CCK: variants seen among roughly 807,000 people sequenced by gnomAD.
CCK encodes cholecystokinin, also known as cholecystokinin triacontatriapeptide.
In CCK, 11 loss-of-function variants were observed where a neutral mutation model predicts 10.1. The ratio of observed to expected loss-of-function variants is 1.09; its 90% confidence interval spans 0.69 to 1.81. The LOEUF is 1.81. Among genes scored for constraint, CCK ranks in the 40% most tolerant of loss-of-function variants. The pLI is 0.00. For missense variants in CCK, 137 were observed against 159.9 expected, an observed-to-expected ratio of 0.86 and a Z score of 0.77; for synonymous variants, 83 against 71.9, an observed-to-expected ratio of 1.15 and a Z score of -0.78.
chr3:42,262,197 C>A (rs1711224916), intron 4 of CCK, among the ~76,000 whole-genome samples: 1 of 149,384 alleles, frequency 6.7e-6, no homozygotes, highest in Non-Finnish European at 1.5e-5. Context: ...CACATCCCTT[C>A]CAGCAGTGTT....
At position 42,265,397 on chromosome 3, in the gene CCK, C is replaced by T. The variant is rs1383887096; in HGVS notation, c.-342G>A. 1 of 152,436 alleles carries T rather than the reference C, an allele frequency of 6.6e-6. No individual in the cohort carries two copies. The highest frequency in any genetic ancestry group is 1.5e-5 in the Non-Finnish European group (1 of 68,234). 9.4% of individuals were successfully genotyped at this position (152,436 alleles called of 1,614,324 possible). The stretch of plus-strand genomic sequence containing the variant: ...TTCTGGGTCAGTGAAAGGGCTCTGG[C>T]CACAGCTGGCTCTTGGTGTCCTGGG... On this transcript the variant is annotated 5_prime_UTR_variant, in exon 2 of 5. Transcript: ENST00000396169.
intron 4 of CCK, 99 bp downstream of exon 4, chr3:42,263,318 G>T: frequency 6.4e-7 from 1 of 1,566,484 alleles, no homozygotes; most frequent in Non-Finnish European, 8.8e-7. Flanking sequence ...TTCCTACCGA[G>T]AGAGGTCATC....
At chr3:42,262,693 A>G (rs919513209) in intron 4 of CCK, among the ~76,000 whole-genome samples, 2 of 152,158 alleles carry the variant, frequency 1.3e-5, no homozygotes, top group Non-Finnish European at 2.9e-5. Flanking sequence ...GAATCACACA[A>G]AGAATTGGAA....
Position 42,263,490 on chromosome 3 carries a change from C to T in CCK, c.141G>A (p.Ser47=). ...EEAPRRQLRV[S]QRTDGESRAH... is the part of the protein sequence containing the mutation. ...CTCGGGACTCGCCATCCGTTCTCTG[C>T]GATACCCTCAGCTGCCTACGGGGCG... is the stretch of plus-strand genomic sequence containing the variant. The change falls in exon 4 of 5, where the codon TCG becomes TCA. Residue 47 remains serine (S), a synonymous_variant. Coordinates refer to ENST00000396169, the MANE Select transcript of CCK (RefSeq NM_000729.6). 6.2e-7 allele frequency: 1 copy of T among 1,614,146 alleles called. No individual in the cohort carries two copies. The highest frequency in any genetic ancestry group is 1.7e-5 in the Admixed American group (1 of 60,034).
In CCK at chr3:42,263,654, G is replaced by A. The variant is rs11571847; in HGVS notation, c.-2-22C>T. ...ATGGCTGTAGCGAGCAAAGGAGGAGGGCGCGTTAACTGAAAGGCTGGGCAA... is the reference window on the plus strand; with the variant it reads ...ATGGCTGTAGCGAGCAAAGGAGGAGAGCGCGTTAACTGAAAGGCTGGGCAA... On this transcript the variant is annotated intron_variant, in intron 3 of 4. Coordinates refer to ENST00000396169, the MANE Select transcript of CCK (RefSeq NM_000729.6). The A allele has an allele frequency of 9.9e-4, 1,489 of 1,507,750 alleles. 12 individuals carry two copies. The African/African-American group carries it at 0.018, about 19-fold the overall frequency. The allele number at this position is 1,507,750 out of a possible 1,614,324, so 93.4% of individuals were successfully genotyped here.
chr3:42,258,908 G>A (rs11571871), intron 4 of CCK, among the ~76,000 whole-genome samples: 4,008 of 152,226 alleles, frequency 0.026, 68 homozygotes, highest in African/African-American at 0.055. Flanking sequence ...GCACATGTAC[G>A]TTTACTGCAG....
intron 3 of CCK, among the ~76,000 whole-genome samples, chr3:42,264,147 G>A (rs1444135302): frequency 1.3e-5 from 1 of 78,824 alleles, no homozygotes; most frequent in Non-Finnish European, 3.0e-5. Context: ...AATAAATAAA[G>A]CCGTATTTAT....
At chr3:42,261,315 C>A (rs1053844014) in intron 4 of CCK, among the ~76,000 whole-genome samples, 1 of 152,096 alleles carries the variant, frequency 6.6e-6, no homozygotes, top group Non-Finnish European at 1.5e-5. Context: ...GTAAAATATT[C>A]TATATACTGC....
chr3:42,265,637 T>A (rs920710870), intron 1 of CCK, 47 bp downstream of exon 1: 1 of 152,260 alleles, frequency 6.6e-6, no homozygotes, highest in Non-Finnish European at 1.5e-5. Flanking sequence ...CATCCGCCCC[T>A]CGCACCTTTC....
intron 4 of CCK, chr3:42,263,078 G>T: frequency 2.5e-6 from 1 of 404,634 alleles, no homozygotes; most frequent in East Asian, 5.7e-5. Flanking sequence ...GTGGCTCCAA[G>T]GTCCTTTGCG....
rs772666315 is a variant in CCK at position 42,265,441 on chromosome 3, TAA to T, written c.-382-6_-382-5del. The T allele has an allele frequency of 2.6e-5, 4 of 152,398 alleles. No individual in the cohort carries two copies. The highest frequency in any genetic ancestry group is 5.9e-5 in the Non-Finnish European group (4 of 68,108). The allele number at this position is 152,398 out of a possible 1,614,324, so 9.4% of individuals were successfully genotyped here. A position where few individuals can be genotyped will look rare whatever the true frequency, so the allele number is the denominator to read the frequency against. On this transcript the variant is annotated splice_region_variant and splice_polypyrimidine_tract_variant and intron_variant, in intron 1 of 4. Coordinates refer to ENST00000396169, the MANE Select transcript of CCK (RefSeq NM_000729.6). ...TCCTGGGCCTCTCTTGACGCAGCTG[TAA>T]AATGCGGATGACACCATCTGGTTTT...
At chr3:42,259,200 CG>C (rs1306021555) in intron 4 of CCK, among the ~76,000 whole-genome samples, 3 of 126,496 alleles carry the variant, frequency 2.4e-5, no homozygotes, top group African/African-American at 8.9e-5. Context: ...CAGGGCCTAT[CG>C]GGGGGTGGGG....
Position 42,258,110 on chromosome 3 carries a change from C to T in CCK, c.336G>A (p.Glu112=). 6.2e-7 allele frequency: 1 copy of T among 1,613,648 alleles called. No homozygotes were observed. Among genetic ancestry groups the T allele is most frequent in the Non-Finnish European group, 8.5e-7 (1 of 1,179,870 alleles). Residue 112 remains glutamate (E), a synonymous_variant, in exon 5 of 5, where the codon GAG becomes GAA. Coordinates refer to ENST00000396169, the MANE Select transcript of CCK (RefSeq NM_000729.6). ...GCGGCTGGGTCCTCTAGGAGGGGTA[C>T]TCATACTCCTCGGCACTGCGACGGC... is the stretch of plus-strand genomic sequence containing the variant. ...DFGRRSAEEY[E]YPS
intron 4 of CCK, among the ~76,000 whole-genome samples, chr3:42,260,517 T>C (rs773473458): frequency 2.0e-5 from 3 of 152,236 alleles, no homozygotes. Flanking sequence ...CCGTTCCACG[T>C]ACAGTTCTGT....
Position 42,265,715 on chromosome 3 carries a change from G to A in CCK, c.-414C>T, listed in dbSNP as rs1711278080. 1 of 152,256 alleles carries A rather than the reference G, an allele frequency of 6.6e-6. No individual in the cohort carries two copies. The highest frequency in any genetic ancestry group is 2.4e-5 in the African/African-American group (1 of 41,406). 9.4% of individuals were successfully genotyped at this position (152,256 alleles called of 1,614,324 possible). The stretch of plus-strand genomic sequence containing the variant: ...GAACTCAGCTGCGCAGCCTGGAGGT[G>A]AGGACCTCACCCCTAGTCAGTCACC... On this transcript the variant is annotated 5_prime_UTR_variant, in exon 1 of 5. Transcript: ENST00000396169.
chr3:42,259,903 A>G (rs912192805), intron 4 of CCK, among the ~76,000 whole-genome samples: 2 of 152,150 alleles, frequency 1.3e-5, no homozygotes, highest in Non-Finnish European at 2.9e-5. Flanking sequence ...GGACCACTCA[A>G]TGACTCCCAC....
chr3:42,260,604 G>A (rs770732344), intron 4 of CCK, among the ~76,000 whole-genome samples: 4 of 152,210 alleles, frequency 2.6e-5, no homozygotes, highest in East Asian at 1.9e-4. Context: ...TACATCTGAT[G>A]TATGGAATTG....
intron 4 of CCK, among the ~76,000 whole-genome samples, chr3:42,260,789 G>A (rs1711199947): frequency 6.6e-6 from 1 of 152,214 alleles, no homozygotes; most frequent in African/African-American, 2.4e-5. Flanking sequence ...TGAGAAAACA[G>A]TGACTTTCTT....
intron 3 of CCK, 103 bp from the exon 4 acceptor site, chr3:42,263,735 G>T: frequency 3.5e-6 from 5 of 1,428,576 alleles, no homozygotes; most frequent in Non-Finnish European, 4.6e-6. Context: ...AAACACAGGT[G>T]CTCCAGACCC....
Sources: allele counts gnomAD v4.1 joint callset (sites outside exome capture counted in the v4.1 genomes callset), GRCh38; gene constraint gnomAD v4.1.1; transcripts MANE v1.5; gene names NCBI Gene and HGNC (gene_info 2026-07-23, HGNC 2026-07-21).